KMT2C: variants seen among roughly 807,000 people sequenced by gnomAD.
KMT2C encodes lysine methyltransferase 2C.
In KMT2C, 88 loss-of-function variants were observed where a neutral mutation model predicts 507.9. That is an observed-to-expected ratio of 0.17 (90% confidence interval 0.15 to 0.21). The LOEUF is 0.21. Ranked by LOEUF, KMT2C falls within the 10% of genes least tolerant of loss-of-function variation. KMT2C has a pLI of 1.00. For missense variants in KMT2C, 4,954 were observed against 5,957.8 expected (o/e 0.83, Z 5.55); for synonymous variants, 2,049 against 2,080.8 (o/e 0.98, Z 0.42).
chr7:152,149,187 T>C (rs1423738110), intron 51 of KMT2C, 35 bp from the exon 52 acceptor site: 1 of 1,439,622 alleles, frequency 6.9e-7, no homozygotes, highest in Non-Finnish European at 9.1e-7. Context: ...CAAAGAAAAA[T>C]AATTCACAAG....
At chr7:152,412,741 G>T (rs2097696329) in intron 1 of KMT2C, among the ~76,000 whole-genome samples, 1 of 152,084 alleles carries the variant, frequency 6.6e-6, no homozygotes, top group Admixed American at 6.6e-5. Flanking sequence ...CAAAATAAAT[G>T]ATTTAAACAC....
rs1160527130 is a variant in KMT2C at position 152,385,611 on chromosome 7, CAAAAAAAAAAAAAAAAA to C, written c.162-26953_162-26937del. On this transcript the variant is annotated intron_variant, in intron 1 of 58. Coordinates refer to ENST00000262189, the MANE Select transcript of KMT2C (RefSeq NM_170606.3). Reference sequence around the variant, plus strand: ...TGGGCGACAGAGCGAGACTCCGTCTCAAAAAAAAAAAAAAAAAAAAAAAAAAAAAAAAAAAAAATTGA... The same window carrying C: ...TGGGCGACAGAGCGAGACTCCGTCTCAAAAAAAAAAAAAAAAAAAAATTGA... Among the ~76,000 whole-genome samples, 251 of 19,424 alleles carry C rather than the reference CAAAAAAAAAAAAAAAAA, an allele frequency of 0.013. 5 individuals carry two copies. In the East Asian group the frequency reaches 0.18, roughly 14 times the overall value. 12.7% of individuals were successfully genotyped at this position (19,424 alleles called of 152,430 possible).
intron 1 of KMT2C, among the ~76,000 whole-genome samples, chr7:152,371,500 T>C (rs1039533387): frequency 5.3e-5 from 8 of 151,720 alleles, no homozygotes; most frequent in African/African-American, 1.7e-4. Flanking sequence ...GTCAGAAAAA[T>C]TGACAAAATG....
intron 2 of KMT2C, among the ~76,000 whole-genome samples, chr7:152,349,538 C>CTACA (rs2097092954): frequency 2.0e-5 from 3 of 152,060 alleles, no homozygotes; most frequent in Non-Finnish European, 4.4e-5. Context: ...TCTGAAAAGA[C>CTACA]TACATATCCT....
At chr7:152,418,879 GTA>G (rs1179522154) in intron 1 of KMT2C, among the ~76,000 whole-genome samples, 4 of 151,726 alleles carry the variant, frequency 2.6e-5, no homozygotes, top group African/African-American at 9.7e-5. Flanking sequence ...AAAAAACTGT[GTA>G]TATGAAAAAA....
intron 2 of KMT2C, among the ~76,000 whole-genome samples, chr7:152,356,168 C>T (rs1055502940): frequency 2.6e-5 from 4 of 152,050 alleles, no homozygotes; most frequent in Non-Finnish European, 4.4e-5. Flanking sequence ...TCTAATTGTT[C>T]TCTATTTTTT....
At chr7:152,409,350 T>C (rs1055994921) in intron 1 of KMT2C, among the ~76,000 whole-genome samples, 8 of 152,004 alleles carry the variant, frequency 5.3e-5, no homozygotes, top group African/African-American at 1.4e-4. Context: ...GTAATAGTTA[T>C]GAGCTTTTTA....
chr7:152,263,172 T>G, intron 8 of KMT2C, 42 bp from the exon 9 acceptor site: 1 of 1,524,226 alleles, frequency 6.6e-7, no homozygotes, highest in Non-Finnish European at 9.0e-7. Context: ...ATCTTTAAAC[T>G]TATGTTTTGT....
intron 6 of KMT2C, among the ~76,000 whole-genome samples, chr7:152,302,409 A>G (rs2096577641): frequency 6.6e-6 from 1 of 151,742 alleles, no homozygotes. Flanking sequence ...TTTTTAGTAG[A>G]GAGGGGGTTT....
rs1587647648 is a variant in KMT2C, at chr7:152,144,448, T to C, written c.14343+265A>G. 6.6e-6 allele frequency among the ~76,000 whole-genome samples: 1 copy of C among 152,352 alleles called. No individual in the cohort carries two copies. Among genetic ancestry groups the C allele is most frequent in the East Asian group, 1.9e-4 (1 of 5,188 alleles). The stretch of plus-strand genomic sequence containing the variant: ...ATCCAGTGTGTGCAAATTACAATGC[T>C]ACCTGCCTCCCAGGAGCTCTCAACA... On this transcript the variant is annotated intron_variant, in intron 55 of 58. Coordinates refer to ENST00000262189, the MANE Select transcript of KMT2C (RefSeq NM_170606.3). The surrounding 1 kb of genome is among the most constrained non-coding windows in gnomAD (Gnocchi z 4.4).
At chr7:152,395,749 C>G (rs1464378234) in intron 1 of KMT2C, among the ~76,000 whole-genome samples, 3 of 152,154 alleles carry the variant, frequency 2.0e-5, no homozygotes, top group African/African-American at 7.2e-5. Context: ...CTCAAGTGAT[C>G]TGCCTGCCTC....
At chr7:152,145,446 G>GGC (rs1406848652) in intron 53 of KMT2C, 151 bp from the exon 54 acceptor site, 4 of 751,152 alleles carry the variant, frequency 5.3e-6, no homozygotes, top group Non-Finnish European at 6.4e-6. Context: ...TAACACTATT[G>GGC]GCCTGCAGGT....
chr7:152,136,801 A>G lies in KMT2C; in HGVS notation c.*31T>C, dbSNP rs1474991240. ...GTTGAATCGCCTCTTCCTAGGGACA[A>G]GCCGCCCGCTGAGCTAGCAAGGAAT... On this transcript the variant is annotated 3_prime_UTR_variant, in exon 59 of 59. Coordinates refer to ENST00000262189, the MANE Select transcript of KMT2C (RefSeq NM_170606.3). 1 of 1,525,950 alleles carries G rather than the reference A, an allele frequency of 6.6e-7. No individual in the cohort carries two copies. The highest frequency in any genetic ancestry group is 9.1e-7 in the Non-Finnish European group (1 of 1,100,528). The allele number at this position is 1,525,950 out of a possible 1,614,324, so 94.5% of individuals were successfully genotyped here.
Position 152,336,979 on chromosome 7 carries a change from T to TGG in KMT2C, c.251-6242_251-6241dup, listed in dbSNP as rs139698334. On this transcript the variant is annotated intron_variant, in intron 2 of 58. Coordinates refer to ENST00000262189, the MANE Select transcript of KMT2C (RefSeq NM_170606.3). ...CATCCACTAGGTGGCACATGTACAG[T>TGG]GGTAAACTATACTAAGGAACCTAAT... is the stretch of plus-strand genomic sequence containing the variant. 1.6e-4 allele frequency among the ~76,000 whole-genome samples: 23 copies of TGG among 143,970 alleles called. No homozygotes were observed. The East Asian group carries it at 4.5e-3, about 28-fold the overall frequency. The allele number at this position is 143,970 out of a possible 152,430, so 94.4% of individuals were successfully genotyped here. A position where few individuals can be genotyped will look rare whatever the true frequency, so the allele number is the denominator to read the frequency against.
At chr7:152,435,265 G>C (rs1418355653) in intron 1 of KMT2C, among the ~76,000 whole-genome samples, 3 of 152,046 alleles carry the variant, frequency 2.0e-5, no homozygotes, top group African/African-American at 7.2e-5. Flanking sequence ...GGACTACCTG[G>C]GCGCGCTCCG....
chr7:152,319,706 A>G (rs1226190867), intron 3 of KMT2C, among the ~76,000 whole-genome samples: 1 of 152,154 alleles, frequency 6.6e-6, no homozygotes, highest in East Asian at 1.9e-4. Flanking sequence ...TCACGCTCCT[A>G]GTCCGCCTTC....
chr7:152,184,805 T>A (rs2093571097), intron 34 of KMT2C, among the ~76,000 whole-genome samples: 1 of 152,198 alleles, frequency 6.6e-6, no homozygotes, highest in Non-Finnish European at 1.5e-5. Flanking sequence ...AGCAGGGTGG[T>A]CTTGCTCTGT....
In KMT2C at chr7:152,181,332, C is replaced by T. The variant is rs751355589; in HGVS notation, c.6528G>A (p.Gln2176=). Residue 2176 remains glutamine, a synonymous_variant, in exon 36 of 59, where the codon CAG becomes CAA. Coordinates refer to ENST00000262189, the MANE Select transcript of KMT2C (RefSeq NM_170606.3). ...TAGATGGTCTTGGGGTTTGGGGCTG[C>T]TGACTATATGGGTCAACAGTAGTAG... is the stretch of plus-strand genomic sequence containing the variant. ...PRPTTVDPYS[Q]QPQTPRPSTQ... is the part of the protein sequence containing the mutation. The T allele has an allele frequency of 3.7e-6, 6 of 1,613,262 alleles. No individual in the cohort carries two copies. The Admixed American group carries it at 6.7e-5, about 18-fold the overall frequency.
rs1041317095 is a variant in KMT2C, at chr7:152,180,996, G to A, written c.6864C>T (p.Ser2288=). The change falls in exon 36 of 59, where the codon AGC becomes AGT. Residue 2288 remains serine, a synonymous_variant. Transcript: ENST00000262189. ...CACGGGCAGCAGATGGGGAAACACG[G>A]CTAAATGTGTCTGAAAGACCAGGTC... The part of the protein sequence containing the change: ...PPGPGLSDTF[S]RVSPSAARDP... The A allele has an allele frequency of 1.2e-6, 2 of 1,614,164 alleles. No individual in the cohort carries two copies. Among genetic ancestry groups the A allele is most frequent in the Admixed American group, 1.7e-5 (1 of 60,018 alleles).
Sources: allele counts gnomAD v4.1 joint callset (sites outside exome capture counted in the v4.1 genomes callset), GRCh38; gene constraint gnomAD v4.1.1; non-coding constraint Gnocchi (gnomAD v3.1); transcripts MANE v1.5; gene names NCBI Gene and HGNC (gene_info 2026-07-23, HGNC 2026-07-21).